SGPP2: variants seen among roughly 807,000 people sequenced by gnomAD.
SGPP2 encodes sphingosine 1-phosphate phosphohydrolase 2.
Under a neutral mutation model 33.9 loss-of-function variants are expected in SGPP2, and 30 were observed. That is an observed-to-expected ratio of 0.89 (90% confidence interval 0.66 to 1.20). The LOEUF is 1.20. Ranked by LOEUF, SGPP2 falls within the 50% of genes most tolerant of loss-of-function variation. SGPP2 has a pLI of 0.00. For missense variants in SGPP2, 458 were observed against 532.1 expected (o/e 0.86, Z 1.37); for synonymous variants, 233 against 225.0 (o/e 1.04, Z -0.32).
chr2:222,512,148 A>C (rs1698538948), intron 2 of SGPP2, among the ~76,000 whole-genome samples: 1 of 151,902 alleles, frequency 6.6e-6, no homozygotes, highest in African/African-American at 2.4e-5. Context: ...AGTAGCTGGA[A>C]CTACAGGCGC....
At chr2:222,491,708 C>T (rs930219668) in intron 2 of SGPP2, among the ~76,000 whole-genome samples, 1 of 152,082 alleles carries the variant, frequency 6.6e-6, no homozygotes, top group East Asian at 1.9e-4. Context: ...CTTCCCAAAT[C>T]TCACATCCTC....
intron 2 of SGPP2, among the ~76,000 whole-genome samples, chr2:222,496,748 C>T (rs1323585751): frequency 6.6e-6 from 1 of 152,144 alleles, no homozygotes; most frequent in East Asian, 1.9e-4. Flanking sequence ...GTTCCTCTGC[C>T]TTTCATGCTC....
intron 2 of SGPP2, chr2:222,498,437 A>C (rs1338533776): frequency 6.6e-6 from 1 of 152,176 alleles, no homozygotes; most frequent in African/African-American, 2.4e-5. Context: ...GAAGAAGCCA[A>C]CATGGTCTCC....
chr2:222,502,468 G>A (rs1261588253), intron 2 of SGPP2, among the ~76,000 whole-genome samples: 1 of 152,152 alleles, frequency 6.6e-6, no homozygotes, highest in Non-Finnish European at 1.5e-5. Context: ...CAGATTTCAG[G>A]ATATTTGCAT....
chr2:222,443,210 T>G (rs1175980241), intron 1 of SGPP2, among the ~76,000 whole-genome samples: 1 of 152,230 alleles, frequency 6.6e-6, no homozygotes, highest in Admixed American at 6.5e-5. Context: ...AATTTCAGCT[T>G]TATTTTACTA....
In SGPP2 at chr2:222,529,502, T is replaced by A. The variant is rs181743885; in HGVS notation, c.648+4469T>A. Among the ~76,000 whole-genome samples, 5 of 152,238 alleles carry A rather than the reference T, an allele frequency of 3.3e-5. No individual in the cohort carries two copies. In the East Asian group the frequency reaches 9.7e-4, roughly 29 times the overall value. On this transcript the variant is annotated intron_variant, in intron 4 of 4. Coordinates refer to ENST00000321276, the MANE Select transcript of SGPP2 (RefSeq NM_152386.4). ...GGCATGCGCTGCCACACCCAGCTAATTTTTGTATTTTTAGTAGAGGCGGGG... is the reference window on the plus strand; with the variant it reads ...GGCATGCGCTGCCACACCCAGCTAAATTTTGTATTTTTAGTAGAGGCGGGG...
In SGPP2 at chr2:222,528,046, G is replaced by A. The variant is rs112380400; in HGVS notation, c.648+3013G>A. Among the ~76,000 whole-genome samples, 878 of 152,210 alleles carry A rather than the reference G, an allele frequency of 5.8e-3. 10 individuals carry two copies. Among genetic ancestry groups the A allele is most frequent in the African/African-American group, 0.02 (824 of 41,528 alleles). On this transcript the variant is annotated intron_variant, in intron 4 of 4. Transcript: ENST00000321276. ...AGTTAGGATGGAATAACTGGATTGA[G>A]CCAACTATGATAGCGTGCCCCTTCC...
intron 4 of SGPP2, among the ~76,000 whole-genome samples, chr2:222,553,345 G>C (rs1296273784): frequency 6.6e-6 from 1 of 152,192 alleles, no homozygotes; most frequent in African/African-American, 2.4e-5. Context: ...ATTGTATTAG[G>C]CATATTTGGG....
rs974466250 is a variant in SGPP2 at position 222,505,662 on chromosome 2, G to C, written c.379-16105G>C. On this transcript the variant is annotated intron_variant, in intron 2 of 4. Transcript: ENST00000321276. ...TTAAAATAAAAATTAGGCCGGGCCTGGTGGCTCACACCTGTAATCCCAGCA... is the reference window on the plus strand; with the variant it reads ...TTAAAATAAAAATTAGGCCGGGCCTCGTGGCTCACACCTGTAATCCCAGCA... Among the ~76,000 whole-genome samples, 3 of 152,044 alleles carry C rather than the reference G, an allele frequency of 2.0e-5. No individual in the cohort carries two copies. In the South Asian group the frequency reaches 6.2e-4, roughly 32 times the overall value.
rs1306601970 is a variant in SGPP2 at position 222,544,805 on chromosome 2, A to G, written c.649-13542A>G. On this transcript the variant is annotated intron_variant, in intron 4 of 4. Coordinates refer to ENST00000321276, the MANE Select transcript of SGPP2 (RefSeq NM_152386.4). ...CATATTATTAATCTTTTTAAAAAAG[A>G]AAGTTACAGAACAGCTTGTACAGTG... is the stretch of plus-strand genomic sequence containing the variant. 2.1e-5 allele frequency among the ~76,000 whole-genome samples: 3 copies of G among 140,666 alleles called. No homozygotes were observed. In the East Asian group the frequency reaches 5.9e-4, roughly 28 times the overall value. The allele number at this position is 140,666 out of a possible 152,430, so 92.3% of individuals were successfully genotyped here. A position where few individuals can be genotyped will look rare whatever the true frequency, so the allele number is the denominator to read the frequency against.
At chr2:222,485,180 CG>C (rs1698086595) in intron 2 of SGPP2, among the ~76,000 whole-genome samples, 1 of 152,174 alleles carries the variant, frequency 6.6e-6, no homozygotes, top group Non-Finnish European at 1.5e-5. Context: ...CCTCAGATGG[CG>C]AAACTTTACT....
At chr2:222,547,696 A>T (rs1205885898) in intron 4 of SGPP2, among the ~76,000 whole-genome samples, 1 of 152,182 alleles carries the variant, frequency 6.6e-6, no homozygotes, top group Non-Finnish European at 1.5e-5. Flanking sequence ...ATTTAAAGAG[A>T]ACATACAAAG....
rs548495552 is a variant in SGPP2 at position 222,529,404 on chromosome 2, T to C, written c.648+4371T>C. ...GGCTGGAGTGCAATGGCGTGATGTCTACTCACTGCAACCTCCGTCTCCCGG... is the reference window on the plus strand; with the variant it reads ...GGCTGGAGTGCAATGGCGTGATGTCCACTCACTGCAACCTCCGTCTCCCGG... On this transcript the variant is annotated intron_variant, in intron 4 of 4. Transcript: ENST00000321276. 1.2e-4 allele frequency among the ~76,000 whole-genome samples: 18 copies of C among 152,232 alleles called. 1 individual carries two copies. The East Asian group carries it at 3.5e-3, about 30-fold the overall frequency.
chr2:222,501,846 T>G (rs1270840856), intron 2 of SGPP2, among the ~76,000 whole-genome samples: 3 of 152,210 alleles, frequency 2.0e-5, no homozygotes, highest in Non-Finnish European at 4.4e-5. Context: ...TCTACAGAGT[T>G]GTTTTTGTTT....
At chr2:222,531,936 G>T (rs1390883070) in intron 4 of SGPP2, among the ~76,000 whole-genome samples, 1 of 152,136 alleles carries the variant, frequency 6.6e-6, no homozygotes, top group African/African-American at 2.4e-5. Context: ...GATGCTCAGG[G>T]CGTGTGAGTA....
intron 1 of SGPP2, among the ~76,000 whole-genome samples, chr2:222,457,173 T>A (rs1468542735): frequency 6.6e-6 from 1 of 152,054 alleles, no homozygotes; most frequent in Non-Finnish European, 1.5e-5. Context: ...GTGGTTTTTT[T>A]AATTGTTCAT....
At chr2:222,523,695 T>C (rs1248405025) in intron 3 of SGPP2, among the ~76,000 whole-genome samples, 1 of 151,080 alleles carries the variant, frequency 6.6e-6, no homozygotes, top group Non-Finnish European at 1.5e-5. Flanking sequence ...TATTTATATA[T>C]TATATTTATT....
At chr2:222,496,975 A>G (rs1054713987) in intron 2 of SGPP2, among the ~76,000 whole-genome samples, 1 of 152,242 alleles carries the variant, frequency 6.6e-6, no homozygotes, top group African/African-American at 2.4e-5. Flanking sequence ...TAAAGAGGTC[A>G]TTGCAGTTCA....
At chr2:222,508,641 G>A (rs1328319667) in intron 2 of SGPP2, among the ~76,000 whole-genome samples, 2 of 152,186 alleles carry the variant, frequency 1.3e-5, no homozygotes, top group African/African-American at 4.8e-5. Context: ...TACCTTTAGT[G>A]TTTGTCTTCA....
Sources: allele counts gnomAD v4.1 joint callset (sites outside exome capture counted in the v4.1 genomes callset), GRCh38; gene constraint gnomAD v4.1.1; transcripts MANE v1.5; gene names NCBI Gene and HGNC (gene_info 2026-07-23, HGNC 2026-07-21).